Variants in RNF141 observed in about 807,000 individuals in gnomAD.
RNF141 encodes ring finger protein 141.
RNF141 carries 18 observed loss-of-function variants against 27.4 expected under a neutral mutation model. The ratio of observed to expected loss-of-function variants is 0.66; its 90% CI spans 0.45 to 0.97. The LOEUF is 0.97. Ranked by LOEUF, RNF141 falls within the 50% of genes least tolerant of loss-of-function variation. The pLI, the probability that RNF141 is intolerant of heterozygous loss-of-function variation, is 0.00. For synonymous variants in RNF141, 97 were observed against 96.6 expected, an observed-to-expected ratio of 1.00 and a Z score of -0.02; for missense variants, 230 against 279.4, an observed-to-expected ratio of 0.82 and a Z score of 1.26.
At chr11:10,525,822 T>C (rs1258410322) in intron 3 of RNF141, among the ~76,000 whole-genome samples, 2 of 152,194 alleles carry the variant, frequency 1.3e-5, no homozygotes, top group East Asian at 3.8e-4. Flanking sequence ...TACCAAAACT[T>C]CTAAACTAAA....
chr11:10,535,356 T>TAA (rs199756415), intron 1 of RNF141, among the ~76,000 whole-genome samples: 12 of 93,468 alleles, frequency 1.3e-4, no homozygotes, highest in South Asian at 5.7e-4. Context: ...CAATTGTAAT[T>TAA]TAAAAAAAAA....
intron 2 of RNF141, among the ~76,000 whole-genome samples, chr11:10,532,781 C>T (rs1193962827): frequency 3.9e-5 from 6 of 152,142 alleles, no homozygotes; most frequent in Non-Finnish European, 7.4e-5. Flanking sequence ...GTTCATATAT[C>T]TTACCTTAAA....
At chr11:10,529,021 C>T (rs1270360068) in intron 3 of RNF141, among the ~76,000 whole-genome samples, 2 of 150,354 alleles carry the variant, frequency 1.3e-5, no homozygotes, top group Non-Finnish European at 3.0e-5. Flanking sequence ...TTTAAAGAGA[C>T]ATCAGGTTTA....
intron 1 of RNF141, among the ~76,000 whole-genome samples, chr11:10,539,691 C>CT: frequency 2.5e-5 from 1 of 40,328 alleles, no homozygotes; most frequent in African/African-American, 7.5e-5. Context: ...AAGATACATA[C>CT]ATATATATTA....
chr11:10,522,817 C>A (rs548480628), intron 4 of RNF141, among the ~76,000 whole-genome samples: 1 of 152,300 alleles, frequency 6.6e-6, no homozygotes, highest in East Asian at 1.9e-4. Flanking sequence ...TCTTTTAATT[C>A]TCTCAAAAAT....
intron 1 of RNF141, among the ~76,000 whole-genome samples, chr11:10,536,971 A>G (rs775113625): frequency 1.1e-4 from 17 of 152,318 alleles, no homozygotes; most frequent in Admixed American, 3.9e-4. Context: ...GAACATATTC[A>G]TGGGCATAGA....
chr11:10,527,799 C>G (rs771920104), intron 3 of RNF141, among the ~76,000 whole-genome samples: 2 of 152,004 alleles, frequency 1.3e-5, no homozygotes, highest in African/African-American at 4.8e-5. Flanking sequence ...AGTTAGGAGG[C>G]TACTGGAATA....
At position 10,513,229 on chromosome 11, in the gene RNF141, T is replaced by C. The variant is rs1363194538; in HGVS notation, c.*1687A>G. 1 of 152,338 alleles carries C rather than the reference T, an allele frequency of 6.6e-6. No homozygotes were observed. The highest frequency in any genetic ancestry group is 2.1e-4 in the South Asian group (1 of 4,824). The allele number at this position is 152,338 out of a possible 1,614,324, so 9.4% of individuals were successfully genotyped here. ...GTCAATGGATTAGTCTTCAGTATTT[T>C]TGGGGGCGAAATCAAGCTACCCCTG... On this transcript the variant is annotated 3_prime_UTR_variant, in exon 6 of 6. Transcript: ENST00000265981.
intron 3 of RNF141, among the ~76,000 whole-genome samples, chr11:10,528,466 A>G (rs980772802): frequency 1.1e-4 from 16 of 152,216 alleles, no homozygotes; most frequent in African/African-American, 3.6e-4. Context: ...TTAATCACAT[A>G]CAGATGTTAG....
intron 1 of RNF141, among the ~76,000 whole-genome samples, chr11:10,537,710 A>T (rs537682106): frequency 6.6e-5 from 10 of 152,374 alleles, no homozygotes; most frequent in African/African-American, 2.4e-4. Context: ...AGTAGATTGG[A>T]CAAAGGAGAA....
At chr11:10,530,535 C>A in intron 3 of RNF141, 108 bp downstream of exon 3, 2 of 532,608 alleles carry the variant, frequency 3.8e-6, no homozygotes, top group South Asian at 4.5e-5. Flanking sequence ...TTTACAAAAC[C>A]ACCGAGTTAT....
chr11:10,524,523 C>T (rs1449280666), intron 4 of RNF141, among the ~76,000 whole-genome samples: 1 of 152,116 alleles, frequency 6.6e-6, no homozygotes, highest in Non-Finnish European at 1.5e-5. Context: ...ATGTTTGGAC[C>T]CATGTAAATC....
intron 4 of RNF141, among the ~76,000 whole-genome samples, chr11:10,521,559 A>T (rs1849887940): frequency 6.6e-6 from 1 of 152,244 alleles, no homozygotes; most frequent in Non-Finnish European, 1.5e-5. Flanking sequence ...TGTTGTGCTT[A>T]TAGCACTGTA....
intron 1 of RNF141, among the ~76,000 whole-genome samples, chr11:10,536,688 T>A (rs1850040058): frequency 6.6e-6 from 1 of 152,192 alleles, no homozygotes; most frequent in African/African-American, 2.4e-5. Context: ...GGTAACAAAC[T>A]CCTGGGCTCA....
chr11:10,539,712 G>GAGAGAGAA (rs1850075787), intron 1 of RNF141, among the ~76,000 whole-genome samples: 1 of 5,202 alleles, frequency 1.9e-4, no homozygotes, highest in East Asian at 3.9e-3. Context: ...GAGAGAGAAG[G>GAGAGAGAA]AGAGAGAAAC....
chr11:10,533,832 C>T (rs1850010215), intron 2 of RNF141, among the ~76,000 whole-genome samples, 184 bp downstream of exon 2: 1 of 152,058 alleles, frequency 6.6e-6, no homozygotes, highest in South Asian at 2.1e-4. Flanking sequence ...GTCCCCATTA[C>T]ATACTTTTAA....
intron 1 of RNF141, among the ~76,000 whole-genome samples, chr11:10,539,795 T>C (rs1394940094): frequency 2.0e-5 from 3 of 147,790 alleles, no homozygotes; most frequent in Admixed American, 6.8e-5. Context: ...GTTTACTAAA[T>C]GCATTTCATA....
chr11:10,525,406 T>C, intron 3 of RNF141, 33 bp from the exon 4 acceptor site: 1 of 1,520,670 alleles, frequency 6.6e-7, no homozygotes, highest in Non-Finnish European at 8.9e-7. Flanking sequence ...AAAGAAAAGT[T>C]GATCATTTCT....
At chr11:10,520,347 C>G (rs758276878) in intron 4 of RNF141, among the ~76,000 whole-genome samples, 2 of 151,988 alleles carry the variant, frequency 1.3e-5, no homozygotes, top group African/African-American at 2.4e-5. Context: ...GATTTATTTA[C>G]TTTTTTACTT....
Sources: gnomAD v4.1 joint callset for allele counts (sites outside exome capture counted in the v4.1 genomes callset) on GRCh38, gnomAD v4.1.1 for gene constraint, MANE v1.5 for transcripts, NCBI Gene and HGNC (gene_info 2026-07-23, HGNC 2026-07-21) for gene names.